The following AIM2 variants were observed in gnomAD, a reference collection of about 807,000 sequenced individuals.
AIM2 encodes the protein interferon-inducible protein AIM2.
Under a neutral mutation model 27.7 loss-of-function variants are expected in AIM2, and 30 were observed. The ratio of observed to expected loss-of-function variants is 1.08; its 90% CI spans 0.81 to 1.47. AIM2 has a LOEUF of 1.47. AIM2 is among the 40% of genes most tolerant of loss of function. The probability of loss-of-function intolerance (pLI) is 0.00; values close to 1 mark genes in which losing one functional copy is unlikely to be tolerated. For missense variants in AIM2, 358 were observed against 411.3 expected (o/e 0.87, Z 1.12); for synonymous variants, 141 against 145.3 (o/e 0.97, Z 0.21).
At chr1:159,058,883 T>A (rs903794077), downstream of AIM2, among the ~76,000 whole-genome samples, 2 of 152,042 alleles carry the variant, frequency 1.3e-5, no homozygotes, top group African/African-American at 4.8e-5. Context: ...TCCTTGCTAG[T>A]GCACTTCCCG....
Position 159,063,551 on chromosome 1 carries a change from A to C in AIM2, c.940T>G (p.Phe314Val). 1 of 1,614,148 alleles carries C rather than the reference A, an allele frequency of 6.2e-7. No homozygotes were observed. Among genetic ancestry groups the C allele is most frequent in the African/African-American group, 1.3e-5 (1 of 75,048 alleles). ...CKEGDKVRLT[F>V]FTLSKNGEKL... ...TCTCCATTTTTTGACAGTGTGAAGA[A>C]TGTAAGTCGAACCTTATCTCCTTCC... The change falls in exon 5 of 6, where the codon TTC becomes GTC. Residue 314 changes from phenylalanine to valine, a missense_variant. Physicochemically the swap from Phe to Val is conservative, Grantham distance 50 (BLOSUM62 -1). Coordinates refer to ENST00000368130, the MANE Select transcript of AIM2 (RefSeq NM_004833.3).
chr1:159,120,273 G>T (rs892982196), intron 1 of AIM2, among the ~76,000 whole-genome samples: 5 of 152,242 alleles, frequency 3.3e-5, no homozygotes, highest in Admixed American at 2.0e-4. Context: ...ACCAAAAGAC[G>T]TATAGTAAAA....
rs145196188 is a variant in AIM2 at position 159,106,293 on chromosome 1, G to A, written c.-16+34138C>T. On this transcript the variant is annotated intron_variant, in intron 1 of 2. Transcript: ENST00000368129. ...GTTCCTGGCTCCCACAGGCTCTGTG[G>A]AGCACATAGGTCCAGCCACGCCTCC... 1.8e-3 allele frequency among the ~76,000 whole-genome samples: 276 copies of A among 152,322 alleles called. 1 individual carries two copies. Among genetic ancestry groups the A allele is most frequent in the Admixed American group, 4.6e-3 (70 of 15,300 alleles).
At chr1:159,075,871 T>C (rs1175446307) in intron 1 of AIM2, among the ~76,000 whole-genome samples, 1 of 152,132 alleles carries the variant, frequency 6.6e-6, no homozygotes, top group Non-Finnish European at 1.5e-5. Flanking sequence ...AATAACTGAT[T>C]GTGAATTTTA....
intron 1 of AIM2, among the ~76,000 whole-genome samples, chr1:159,103,838 C>T (rs1412250052): frequency 2.0e-5 from 3 of 152,100 alleles, no homozygotes; most frequent in African/African-American, 7.2e-5. Flanking sequence ...TGACAAATCA[C>T]TTTTCTCTCC....
chr1:159,079,126 AG>A, upstream of AIM2, among the ~76,000 whole-genome samples: 2 of 152,314 alleles, frequency 1.3e-5, no homozygotes, highest in East Asian at 3.9e-4. Context: ...AAGGAACTTA[AG>A]GACAAAGCAG....
chr1:159,089,887 A>G (rs536308271), intron 1 of AIM2, among the ~76,000 whole-genome samples: 2 of 152,192 alleles, frequency 1.3e-5, no homozygotes, highest in African/African-American at 4.8e-5. Context: ...TAGACCCTTC[A>G]ACCAGACAAC....
chr1:159,091,381 G>A (rs1421962842), intron 1 of AIM2, among the ~76,000 whole-genome samples: 2 of 152,146 alleles, frequency 1.3e-5, no homozygotes, highest in East Asian at 3.9e-4. Flanking sequence ...TGCTTGTCAC[G>A]ACGTGCTTTG....
Position 159,067,432 on chromosome 1 carries a change from C to G in AIM2, c.397-1103G>C, listed in dbSNP as rs540129444. On this transcript the variant is annotated intron_variant, in intron 3 of 5. Coordinates refer to ENST00000368130, the MANE Select transcript of AIM2 (RefSeq NM_004833.3). Reference sequence around the variant, plus strand: ...ACAAACAGAGGCATAAAAAGCCAAGCGTAGGAGTCTCTGAAGGGTGTCTCT... The same window carrying G: ...ACAAACAGAGGCATAAAAAGCCAAGGGTAGGAGTCTCTGAAGGGTGTCTCT... Among the ~76,000 whole-genome samples the G allele has an allele frequency of 1.4e-3, 208 of 152,260 alleles. 1 individual carries two copies. Among genetic ancestry groups the G allele is most frequent in the African/African-American group, 4.9e-3 (203 of 41,550 alleles).
chr1:159,068,306 T>A (rs1656198520), intron 3 of AIM2, among the ~76,000 whole-genome samples: 1 of 152,236 alleles, frequency 6.6e-6, no homozygotes, highest in Admixed American at 6.5e-5. Flanking sequence ...ACGGTCTATC[T>A]CAGAGTTTTC....
upstream of AIM2, among the ~76,000 whole-genome samples, chr1:159,144,835 G>A (rs914387927): frequency 3.9e-5 from 6 of 152,058 alleles, no homozygotes; most frequent in African/African-American, 1.2e-4. Flanking sequence ...ATCCTACTGT[G>A]GTCTTACTTA....
chr1:159,121,560 G>C (rs1446069798), intron 1 of AIM2, among the ~76,000 whole-genome samples: 2 of 152,036 alleles, frequency 1.3e-5, no homozygotes, highest in African/African-American at 2.4e-5. Context: ...TGCGCTCTCA[G>C]TTTTCTCTCC....
intron 1 of AIM2, among the ~76,000 whole-genome samples, chr1:159,110,040 C>T (rs1452272284): frequency 6.6e-6 from 1 of 152,162 alleles, no homozygotes; most frequent in Non-Finnish European, 1.5e-5. Flanking sequence ...TCATTTGATC[C>T]AGCAATCCCA....
At chr1:159,092,433 C>T (rs1316707728) in intron 1 of AIM2, among the ~76,000 whole-genome samples, 1 of 152,132 alleles carries the variant, frequency 6.6e-6, no homozygotes, top group African/African-American at 2.4e-5. Flanking sequence ...TAGAGACTGG[C>T]CCCTCTTCTG....
chr1:159,136,340 G>A (rs900474900), intron 1 of AIM2, among the ~76,000 whole-genome samples: 1 of 152,120 alleles, frequency 6.6e-6, no homozygotes, highest in African/African-American at 2.4e-5. Context: ...CACCTCCTAT[G>A]TATCTACCTC....
chr1:159,132,645 G>A (rs1013032919), intron 1 of AIM2, among the ~76,000 whole-genome samples: 1 of 152,112 alleles, frequency 6.6e-6, no homozygotes, highest in African/African-American at 2.4e-5. Context: ...ATACACATGC[G>A]TGTGGACACA....
chr1:159,090,093 AG>A (rs1398778711), intron 1 of AIM2, among the ~76,000 whole-genome samples: 1 of 152,192 alleles, frequency 6.6e-6, no homozygotes, highest in Non-Finnish European at 1.5e-5. Context: ...GCATAACTAG[AG>A]GCCATCCCAG....
At chr1:159,072,033 T>A (rs1656383065) in intron 2 of AIM2, among the ~76,000 whole-genome samples, 1 of 152,216 alleles carries the variant, frequency 6.6e-6, no homozygotes, top group South Asian at 2.1e-4. Flanking sequence ...TAATTCTTGA[T>A]TTATTACCAA....
upstream of AIM2, among the ~76,000 whole-genome samples, chr1:159,080,456 G>C (rs987811964): frequency 6.6e-6 from 1 of 152,184 alleles, no homozygotes; most frequent in Non-Finnish European, 1.5e-5. Flanking sequence ...GTTCAGACTT[G>C]TTTAGTGATG....
Sources: allele counts gnomAD v4.1 joint callset (sites outside exome capture counted in the v4.1 genomes callset), GRCh38; gene constraint gnomAD v4.1.1; transcripts MANE v1.5; gene names NCBI Gene and HGNC (gene_info 2026-07-23, HGNC 2026-07-21).